The following RPS6KB1 variants were observed in gnomAD, a reference collection of about 807,000 sequenced individuals.
The protein encoded by RPS6KB1 is ribosomal protein S6 kinase beta-1.
Under a neutral mutation model 70.2 loss-of-function variants are expected in RPS6KB1, and 12 were observed. That is an observed-to-expected ratio of 0.17 (90% CI 0.11 to 0.28). The LOEUF (loss-of-function observed/expected upper bound fraction) is 0.28, where lower values mean the gene tolerates loss of function less well. Among genes scored for constraint, RPS6KB1 ranks in the 10% least tolerant of loss-of-function variants. The pLI, the probability that RPS6KB1 is intolerant of heterozygous loss-of-function variation, is 1.00. For synonymous variants in RPS6KB1, 175 were observed against 211.2 expected (o/e 0.83, Z 1.49); for missense variants, 270 against 646.6 (o/e 0.42, Z 6.32).
At chr17:59,919,394 G>A (rs543617293) in intron 4 of RPS6KB1, among the ~76,000 whole-genome samples, 4 of 152,152 alleles carry the variant, frequency 2.6e-5, no homozygotes, top group Non-Finnish European at 5.9e-5. Context: ...GGTGGAGGTT[G>A]CAGTGAGCCA....
chr17:59,901,476 G>T (rs1015390082), intron 1 of RPS6KB1, among the ~76,000 whole-genome samples: 1 of 145,294 alleles, frequency 6.9e-6, no homozygotes, highest in Non-Finnish European at 1.5e-5. Flanking sequence ...AAAAAAAAAG[G>T]AAATTTTTAT....
chr17:59,896,248 C>T (rs890032889), intron 1 of RPS6KB1, among the ~76,000 whole-genome samples: 2 of 151,824 alleles, frequency 1.3e-5, no homozygotes, highest in African/African-American at 4.8e-5. Context: ...GGCTGGAGTG[C>T]AATGGCGCTA....
chr17:59,897,836 A>T (rs192500749), intron 1 of RPS6KB1, among the ~76,000 whole-genome samples: 123 of 152,100 alleles, frequency 8.1e-4, no homozygotes, highest in African/African-American at 2.6e-3. Flanking sequence ...ATGGTGGTGC[A>T]CACCTCTAGT....
At chr17:59,942,837 A>C (rs1473732294) in intron 13 of RPS6KB1, among the ~76,000 whole-genome samples, 1 of 152,062 alleles carries the variant, frequency 6.6e-6, no homozygotes, top group East Asian at 1.9e-4. Context: ...AAAATTAGCC[A>C]GGTGTGGTGG....
intron 4 of RPS6KB1, 83 bp from the exon 5 acceptor site, chr17:59,926,352 A>G (rs1009109871): frequency 1.8e-6 from 2 of 1,105,098 alleles, no homozygotes; most frequent in Non-Finnish European, 2.5e-6. Context: ...CAGGAAAAAC[A>G]CAAAATAGAT....
At chr17:59,894,836 C>T (rs1046522197) in intron 1 of RPS6KB1, among the ~76,000 whole-genome samples, 1 of 152,088 alleles carries the variant, frequency 6.6e-6, no homozygotes, top group Non-Finnish European at 1.5e-5. Flanking sequence ...GACTCCTGAC[C>T]TCAAATGATC....
chr17:59,946,059 A>T lies in RPS6KB1; in HGVS notation c.1341-492A>T, dbSNP rs1291899149. 3.3e-5 allele frequency among the ~76,000 whole-genome samples: 5 copies of T among 152,164 alleles called. No homozygotes were observed. Among genetic ancestry groups the T allele is most frequent in the Non-Finnish European group, 7.3e-5 (5 of 68,040 alleles). ...TGTAGTAACATCTAGCAGTGAACGGAAAGAGCCAGCCCTACAAAAATAGGA... is the reference window on the plus strand; with the variant it reads ...TGTAGTAACATCTAGCAGTGAACGGTAAGAGCCAGCCCTACAAAAATAGGA... On this transcript the variant is annotated intron_variant, in intron 14 of 14. Coordinates refer to ENST00000225577, the MANE Select transcript of RPS6KB1 (RefSeq NM_003161.4). The surrounding 1 kb of genome is among the most constrained non-coding windows in gnomAD (Gnocchi z 4.2).
intron 1 of RPS6KB1, among the ~76,000 whole-genome samples, chr17:59,902,012 TAAA>T (rs759292909): frequency 2.3e-4 from 12 of 53,064 alleles, no homozygotes; most frequent in South Asian, 6.2e-4. Flanking sequence ...AACCTGTCTC[TAAA>T]AAAAAAAAAA....
At chr17:59,911,080 C>T (rs1222175122) in intron 2 of RPS6KB1, among the ~76,000 whole-genome samples, 7 of 152,172 alleles carry the variant, frequency 4.6e-5, no homozygotes, top group Non-Finnish European at 1.0e-4. Context: ...ATCAGGAGTT[C>T]GAGACCAGCC....
chr17:59,919,779 C>T (rs1308272901), intron 4 of RPS6KB1, among the ~76,000 whole-genome samples: 1 of 152,038 alleles, frequency 6.6e-6, no homozygotes, highest in African/African-American at 2.4e-5. Context: ...AGATGATCTC[C>T]CTGTTTTTAG....
At chr17:59,916,828 G>T (rs1334758509) in intron 4 of RPS6KB1, among the ~76,000 whole-genome samples, 1 of 152,048 alleles carries the variant, frequency 6.6e-6, no homozygotes, top group Admixed American at 6.6e-5. Context: ...CTCAGACAAG[G>T]TATATAAAGA....
chr17:59,933,619 A>G (rs551429185), intron 7 of RPS6KB1, among the ~76,000 whole-genome samples: 1 of 152,186 alleles, frequency 6.6e-6, no homozygotes, highest in Non-Finnish European at 1.5e-5. Flanking sequence ...TGGATCAGTG[A>G]TGATTGATTC....
intron 12 of RPS6KB1, among the ~76,000 whole-genome samples, chr17:59,940,081 G>A (rs187673581): frequency 2.6e-5 from 4 of 152,150 alleles, no homozygotes; most frequent in Admixed American, 6.5e-5. Context: ...TTTAACTGGA[G>A]CATCTTACCA....
chr17:59,898,731 A>G (rs1010569925), intron 1 of RPS6KB1, among the ~76,000 whole-genome samples: 1 of 150,286 alleles, frequency 6.7e-6, no homozygotes, highest in Non-Finnish European at 1.5e-5. Flanking sequence ...TGCTGGGATT[A>G]CAGGCATGAG....
Position 59,934,131 on chromosome 17 carries a change from T to C in RPS6KB1, c.689-39T>C, listed in dbSNP as rs770671252. 16 of 1,252,112 alleles carry C rather than the reference T, an allele frequency of 1.3e-5. No homozygotes were observed. Among genetic ancestry groups the C allele is most frequent in the Admixed American group, 8.4e-5 (5 of 59,408 alleles). The allele number at this position is 1,252,112 out of a possible 1,614,324, so 77.6% of individuals were successfully genotyped here. Reference sequence around the variant, plus strand: ...CATGTTCAAACACTGCACATACTTATAATTCGGAGAATAATCATGCTGTAA... The same window carrying C: ...CATGTTCAAACACTGCACATACTTACAATTCGGAGAATAATCATGCTGTAA... On this transcript the variant is annotated intron_variant, in intron 7 of 14. Coordinates refer to ENST00000225577, the MANE Select transcript of RPS6KB1 (RefSeq NM_003161.4). The surrounding 1 kb of genome is among the most constrained non-coding windows in gnomAD (Gnocchi z 4.8).
chr17:59,909,285 T>C, intron 1 of RPS6KB1, among the ~76,000 whole-genome samples: 1 of 83,146 alleles, frequency 1.2e-5, no homozygotes, highest in East Asian at 4.3e-4. Flanking sequence ...TTTTTTTTTT[T>C]GAGATGGAGT....
intron 1 of RPS6KB1, among the ~76,000 whole-genome samples, chr17:59,902,578 CTTTT>C (rs559757964): frequency 1.5e-5 from 2 of 134,320 alleles, no homozygotes; most frequent in Non-Finnish European, 1.6e-5. Context: ...TTTTTTGTTT[CTTTT>C]TTTTTTTTTT....
intron 4 of RPS6KB1, 153 bp from the exon 5 acceptor site, chr17:59,926,282 T>G: frequency 1.6e-6 from 1 of 618,272 alleles, no homozygotes; most frequent in South Asian, 2.4e-5. Context: ...ATAAAGTGAA[T>G]GTTTTCCATT....
Position 59,910,553 on chromosome 17 carries a change from AT to A in RPS6KB1, c.142-4del. 3 of 1,564,538 alleles carry A rather than the reference AT, an allele frequency of 1.9e-6. No homozygotes were observed. Among genetic ancestry groups the A allele is most frequent in the Non-Finnish European group, 2.6e-6 (3 of 1,144,216 alleles). On this transcript the variant is annotated splice_region_variant and splice_polypyrimidine_tract_variant and intron_variant, in intron 1 of 14. Coordinates refer to ENST00000225577, the MANE Select transcript of RPS6KB1 (RefSeq NM_003161.4). ...AGATTATTTCTGAAACTTTTAACAT[AT>A]TTTTCAGGGTCAGTTAAATGAAAGC...
Sources: allele counts gnomAD v4.1 joint callset (sites outside exome capture counted in the v4.1 genomes callset), GRCh38; gene constraint gnomAD v4.1.1; non-coding constraint Gnocchi (gnomAD v3.1); transcripts MANE v1.5; gene names NCBI Gene and HGNC (gene_info 2026-07-23, HGNC 2026-07-21).